Variants in RIT2 observed in about 807,000 individuals in gnomAD.
RIT2 encodes the protein GTP-binding protein Rit2.
In RIT2, 24 loss-of-function variants were observed where a neutral mutation model predicts 23.7. That is an observed-to-expected ratio of 1.01 (90% confidence interval 0.73 to 1.43). The LOEUF is 1.43. Ranked by LOEUF, RIT2 falls within the 40% of genes most tolerant of loss-of-function variation. The probability of loss-of-function intolerance (pLI) is 0.00; values close to 1 mark genes in which losing one functional copy is unlikely to be tolerated. For synonymous variants in RIT2, 107 were observed against 91.1 expected, an observed-to-expected ratio of 1.17 and a Z score of -0.99; for missense variants, 236 against 266.9, an observed-to-expected ratio of 0.88 and a Z score of 0.81.
chr18:42,824,792 T>A (rs1207031134), intron 4 of RIT2, among the ~76,000 whole-genome samples: 3 of 151,406 alleles, frequency 2.0e-5, no homozygotes, highest in African/African-American at 4.8e-5. Context: ...TGTGTTTAAT[T>A]ATGAGAGAAA....
At chr18:43,030,421 G>T (rs1911826810) in intron 2 of RIT2, among the ~76,000 whole-genome samples, 1 of 152,010 alleles carries the variant, frequency 6.6e-6, no homozygotes, top group Non-Finnish European at 1.5e-5. Flanking sequence ...GGTGGATGTG[G>T]TTGATGCCCA....
chr18:43,060,416 C>A (rs1420347605), intron 1 of RIT2, among the ~76,000 whole-genome samples: 1 of 152,140 alleles, frequency 6.6e-6, no homozygotes, highest in Non-Finnish European at 1.5e-5. Context: ...AATACAGTCA[C>A]AATGACACCA....
chr18:42,998,298 T>C (rs1468861119), intron 2 of RIT2, among the ~76,000 whole-genome samples: 1 of 152,168 alleles, frequency 6.6e-6, no homozygotes, highest in African/African-American at 2.4e-5. Context: ...TGCCTCTTTT[T>C]CACAACTACA....
At position 43,113,813 on chromosome 18, in the gene RIT2, C is replaced by A. The variant is rs138209328; in HGVS notation, c.103+1604G>T. Among the ~76,000 whole-genome samples, 36 of 152,268 alleles carry A rather than the reference C, an allele frequency of 2.4e-4. No individual in the cohort carries two copies. In the East Asian group the frequency reaches 5.4e-3, roughly 23 times the overall value. On this transcript the variant is annotated intron_variant, in intron 1 of 4. Transcript: ENST00000326695. ...AAAGCAATACAGAGGCACATTATTG[C>A]GACAATTTCAGCATCTCCCTGACCT...
chr18:43,063,515 C>T (rs982530779), intron 1 of RIT2, among the ~76,000 whole-genome samples: 3 of 152,096 alleles, frequency 2.0e-5, no homozygotes, highest in Admixed American at 6.6e-5. Flanking sequence ...TTATTTTACT[C>T]CCCTTTTGAA....
intron 4 of RIT2, among the ~76,000 whole-genome samples, chr18:42,912,266 T>C (rs1275600193): frequency 6.6e-6 from 1 of 151,412 alleles, no homozygotes; most frequent in East Asian, 1.9e-4. Context: ...ATTAGGAATA[T>C]AGATGAATGT....
chr18:42,750,945 G>T (rs147613457), intron 4 of RIT2, among the ~76,000 whole-genome samples: 3 of 151,980 alleles, frequency 2.0e-5, no homozygotes, highest in Non-Finnish European at 4.4e-5. Flanking sequence ...GAGGTAGGAA[G>T]AAGAATAGTA....
chr18:42,881,217 A>G (rs189814839), intron 4 of RIT2, among the ~76,000 whole-genome samples: 1 of 152,316 alleles, frequency 6.6e-6, no homozygotes, highest in African/African-American at 2.4e-5. Flanking sequence ...CAAACAAACA[A>G]AAAACAGAGG....
intron 4 of RIT2, among the ~76,000 whole-genome samples, chr18:42,819,781 A>T (rs908468059): frequency 7.2e-5 from 11 of 152,120 alleles, no homozygotes; most frequent in Admixed American, 7.2e-4. Flanking sequence ...AGCAGTAAAA[A>T]TGAAGATCAA....
chr18:42,885,541 G>T (rs1046614779), intron 4 of RIT2, among the ~76,000 whole-genome samples: 1 of 152,084 alleles, frequency 6.6e-6, no homozygotes, highest in East Asian at 1.9e-4. Flanking sequence ...AGCCGAGATC[G>T]TGCCTCTGCG....
chr18:43,100,528 A>C (rs1490513634), intron 1 of RIT2, among the ~76,000 whole-genome samples: 1 of 152,186 alleles, frequency 6.6e-6, no homozygotes, highest in Non-Finnish European at 1.5e-5. Context: ...TGTGTTAATA[A>C]ATTGTAGGAG....
chr18:43,077,019 C>A (rs1026612113), intron 1 of RIT2, among the ~76,000 whole-genome samples: 1 of 142,208 alleles, frequency 7.0e-6, no homozygotes, highest in Non-Finnish European at 1.5e-5. Flanking sequence ...AGGAGAATGG[C>A]GTGAACCCGG....
chr18:42,889,301 G>A (rs1293492964), intron 4 of RIT2, among the ~76,000 whole-genome samples: 1 of 151,846 alleles, frequency 6.6e-6, no homozygotes, highest in Non-Finnish European at 1.5e-5. Flanking sequence ...TCAACATACA[G>A]GTGTAGTATT....
chr18:42,920,954 T>A (rs1034129210), intron 4 of RIT2, among the ~76,000 whole-genome samples: 6 of 151,852 alleles, frequency 4.0e-5, no homozygotes, highest in Non-Finnish European at 5.9e-5. Context: ...TTTTTTTTTT[T>A]ATATGAAGAA....
At chr18:43,110,655 C>T (rs1301430213) in intron 1 of RIT2, among the ~76,000 whole-genome samples, 3 of 151,988 alleles carry the variant, frequency 2.0e-5, no homozygotes, top group African/African-American at 4.8e-5. Flanking sequence ...CTAAAAGATG[C>T]CTAACATACT....
chr18:43,078,597 T>A (rs1172985601), intron 1 of RIT2, among the ~76,000 whole-genome samples: 2 of 152,190 alleles, frequency 1.3e-5, no homozygotes, highest in African/African-American at 4.8e-5. Flanking sequence ...TGGCTCTGTG[T>A]ACTACCTAGC....
At chr18:42,810,126 T>TA (rs35798358) in intron 4 of RIT2, among the ~76,000 whole-genome samples, 5 of 148,750 alleles carry the variant, frequency 3.4e-5, no homozygotes, top group South Asian at 2.1e-4. Flanking sequence ...ATGTATCAAT[T>TA]AAAAAAAATC....
At chr18:42,938,537 CA>C (rs1909517946) in intron 3 of RIT2, among the ~76,000 whole-genome samples, 1 of 152,108 alleles carries the variant, frequency 6.6e-6, no homozygotes, top group South Asian at 2.1e-4. Context: ...GAAGACTTAA[CA>C]AGATAACCAA....
intron 1 of RIT2, among the ~76,000 whole-genome samples, chr18:43,105,520 A>AGAGAGGAAGGGAGGAAGAGAGGAAG (rs1555658773): frequency 9.5e-5 from 7 of 73,548 alleles, no homozygotes; most frequent in African/African-American, 3.3e-4. Flanking sequence ...GAGGGAGGGA[A>AGAGAGGAAGGGAGGAAGAGAGGAAG]TGAGCAGTTT....
Sources: allele counts gnomAD v4.1 joint callset (sites outside exome capture counted in the v4.1 genomes callset), GRCh38; gene constraint gnomAD v4.1.1; transcripts MANE v1.5; gene names NCBI Gene and HGNC (gene_info 2026-07-23, HGNC 2026-07-21).